Variants in DAB1 observed in about 807,000 individuals in gnomAD.
The protein encoded by DAB1 is disabled homolog 1.
Under a neutral mutation model 64.6 loss-of-function variants are expected in DAB1, and 15 were observed. That is an observed-to-expected ratio of 0.23 (90% CI 0.16 to 0.36). The LOEUF (loss-of-function observed/expected upper bound fraction) is 0.36. DAB1 is among the 10% of genes least tolerant of loss of function. DAB1 has a pLI of 1.00. For synonymous variants in DAB1, 235 were observed against 251.9 expected (o/e 0.93, Z 0.64); for missense variants, 596 against 706.7 (o/e 0.84, Z 1.78).
chr1:57,491,135 A>T (rs2101277374), intron 7 of DAB1, among the ~76,000 whole-genome samples: 1 of 152,332 alleles, frequency 6.6e-6, no homozygotes, highest in Admixed American at 6.5e-5. Flanking sequence ...TAAGGATAAC[A>T]ATATATTTTT....
chr1:58,492,986 T>A (rs959838131), intron 3 of DAB1, among the ~76,000 whole-genome samples: 2 of 152,174 alleles, frequency 1.3e-5, no homozygotes, highest in African/African-American at 4.8e-5. Context: ...TAGACCAATA[T>A]CCCTGATGAA....
chr1:57,270,933 A>G (rs1372114417), intron 2 of DAB1, among the ~76,000 whole-genome samples: 4 of 152,182 alleles, frequency 2.6e-5, no homozygotes, highest in Non-Finnish European at 5.9e-5. Flanking sequence ...ATGAGCAGGG[A>G]CTGGGGTGGG....
chr1:57,310,520 G>T (rs1200263507), intron 1 of DAB1, among the ~76,000 whole-genome samples: 1 of 152,164 alleles, frequency 6.6e-6, no homozygotes, highest in Non-Finnish European at 1.5e-5. Context: ...CTGCTAAGTG[G>T]CTCGTAGTCT....
At chr1:57,733,491 T>A (rs1444875223) in intron 6 of DAB1, among the ~76,000 whole-genome samples, 2 of 152,116 alleles carry the variant, frequency 1.3e-5, no homozygotes, top group Non-Finnish European at 2.9e-5. Flanking sequence ...AGAAGACTTA[T>A]GCTAAGCCAG....
intron 5 of DAB1, among the ~76,000 whole-genome samples, chr1:58,098,183 C>G (rs749406859): frequency 5.3e-5 from 8 of 152,148 alleles, no homozygotes; most frequent in Non-Finnish European, 1.0e-4. Context: ...TTTCACCCCT[C>G]CCCCAGCATT....
chr1:58,148,394 T>C (rs1401114806), intron 5 of DAB1, among the ~76,000 whole-genome samples: 2 of 152,226 alleles, frequency 1.3e-5, no homozygotes, highest in Non-Finnish European at 2.9e-5. Context: ...TCTTAGAATA[T>C]ATTCTGAACT....
chr1:58,048,542 C>T, intron 5 of DAB1: 2 of 1,140,358 alleles, frequency 1.8e-6, no homozygotes, highest in Admixed American at 1.7e-5. Flanking sequence ...TCCATAACCA[C>T]CATAATTGCC....
intron 7 of DAB1, among the ~76,000 whole-genome samples, chr1:57,471,338 T>A (rs1352922672): frequency 3.3e-5 from 5 of 152,192 alleles, no homozygotes; most frequent in Admixed American, 6.5e-5. Context: ...TTATTTTTTT[T>A]AAATGTCTTA....
chr1:57,019,872 C>T (rs112005133), intron 11 of DAB1, among the ~76,000 whole-genome samples: 30 of 152,310 alleles, frequency 2.0e-4, no homozygotes, highest in African/African-American at 6.7e-4. Flanking sequence ...TTGTGATTTA[C>T]AGCCAGATGC....
At chr1:57,589,371 A>G (rs1645417117) in intron 7 of DAB1, among the ~76,000 whole-genome samples, 1 of 152,226 alleles carries the variant, frequency 6.6e-6, no homozygotes, top group Non-Finnish European at 1.5e-5. Context: ...ATACTTTGGA[A>G]AGATAAAGGA....
chr1:57,941,145 G>T (rs1645098124), intron 5 of DAB1, among the ~76,000 whole-genome samples: 1 of 152,198 alleles, frequency 6.6e-6, no homozygotes, highest in South Asian at 2.1e-4. Context: ...GGATTATCAA[G>T]TGGCTATAAT....
At chr1:58,159,891 A>C (rs972877720) in intron 4 of DAB1, among the ~76,000 whole-genome samples, 10 of 152,186 alleles carry the variant, frequency 6.6e-5, no homozygotes, top group African/African-American at 2.4e-4. Flanking sequence ...TAAGGAGAGA[A>C]GGCAAGTCTC....
intron 7 of DAB1, among the ~76,000 whole-genome samples, chr1:57,498,140 G>T (rs1406410745): frequency 1.3e-5 from 2 of 152,228 alleles, no homozygotes; most frequent in Admixed American, 1.3e-4. Context: ...AGTGCAGAGA[G>T]ATGGAGAATC....
rs553113109 is a variant in DAB1 at position 58,359,965 on chromosome 1, T to G, written n.258-16562A>C. Among the ~76,000 whole-genome samples, 4 of 152,342 alleles carry G rather than the reference T, an allele frequency of 2.6e-5. No homozygotes were observed. In the South Asian group the frequency reaches 8.3e-4, roughly 32 times the overall value. ...AGCTTCAGCTTGTTCCTCTTTCAGATGGTGGCAATATCAACTACCTTGCTT... is the reference window on the plus strand; with the variant it reads ...AGCTTCAGCTTGTTCCTCTTTCAGAGGGTGGCAATATCAACTACCTTGCTT... On this transcript the variant is annotated intron_variant and non_coding_transcript_variant, in intron 3 of 20. Transcript: ENST00000485760.
chr1:58,136,992 G>T (rs145044992), intron 5 of DAB1, among the ~76,000 whole-genome samples: 222 of 152,260 alleles, frequency 1.5e-3, no homozygotes, highest in African/African-American at 4.9e-3. Context: ...AACTGATGTG[G>T]GTATGGAGAA....
At chr1:57,273,490 C>T (rs1004849253) in intron 2 of DAB1, among the ~76,000 whole-genome samples, 13 of 151,782 alleles carry the variant, frequency 8.6e-5, no homozygotes, top group Non-Finnish European at 1.9e-4. Context: ...CTTAGGACAG[C>T]GCCAACATCT....
chr1:57,057,521 A>G (rs188893934), intron 9 of DAB1, among the ~76,000 whole-genome samples: 51 of 152,274 alleles, frequency 3.3e-4, no homozygotes, highest in African/African-American at 1.0e-3. Flanking sequence ...AGTATCTGGC[A>G]AATTCACTGG....
chr1:57,922,383 AAAG>A (rs1206207454), intron 5 of DAB1, among the ~76,000 whole-genome samples: 5 of 152,098 alleles, frequency 3.3e-5, no homozygotes, highest in Non-Finnish European at 7.4e-5. Flanking sequence ...GAAAGGAAGG[AAAG>A]AAGAAAGGAG....
chr1:58,268,921 C>A (rs937708833), intron 4 of DAB1, among the ~76,000 whole-genome samples: 7 of 152,076 alleles, frequency 4.6e-5, no homozygotes, highest in South Asian at 2.1e-4. Flanking sequence ...GATATATAGA[C>A]CAACTGAATA....
Sources: gnomAD v4.1 joint callset for allele counts (sites outside exome capture counted in the v4.1 genomes callset) on GRCh38, gnomAD v4.1.1 for gene constraint, MANE v1.5 for transcripts, NCBI Gene and HGNC (gene_info 2026-07-23, HGNC 2026-07-21) for gene names.